The following GALNT7 variants were observed in gnomAD, a reference collection of about 807,000 sequenced individuals.
GALNT7 encodes the protein N-acetylgalactosaminyltransferase 7.
In GALNT7, 60 loss-of-function variants were observed where a neutral mutation model predicts 82.1. The observed-to-expected ratio is 0.73, with a 90% CI of 0.59 to 0.91. The LOEUF is 0.91. GALNT7 is among the 40% of genes least tolerant of loss of function. The probability of loss-of-function intolerance (pLI) is 0.00; values close to 1 mark genes in which losing one functional copy is unlikely to be tolerated. For missense variants in GALNT7, 660 were observed against 804.2 expected (o/e 0.82, Z 2.17); for synonymous variants, 243 against 275.1 (o/e 0.88, Z 1.15).
At chr4:173,171,478 C>T (rs775875406) in intron 1 of GALNT7, among the ~76,000 whole-genome samples, 1 of 152,224 alleles carries the variant, frequency 6.6e-6, no homozygotes, top group Non-Finnish European at 1.5e-5. Flanking sequence ...TCCATTCACC[C>T]TGTGCCACTT....
At chr4:173,212,556 G>T (rs1733314202) in intron 1 of GALNT7, among the ~76,000 whole-genome samples, 1 of 151,254 alleles carries the variant, frequency 6.6e-6, no homozygotes, top group African/African-American at 2.4e-5. Flanking sequence ...GAGATGAAGG[G>T]ATTAACTCCA....
intron 1 of GALNT7, among the ~76,000 whole-genome samples, chr4:173,212,488 GT>G (rs1353101523): frequency 6.6e-6 from 1 of 152,142 alleles, no homozygotes; most frequent in Non-Finnish European, 1.5e-5. Flanking sequence ...AGAGGCTTCA[GT>G]TTAGATTATC....
At position 173,194,308 on chromosome 4, in the gene GALNT7, G is replaced by T. The variant is rs187815054; in HGVS notation, c.126+25347G>T. On this transcript the variant is annotated intron_variant, in intron 1 of 11. Coordinates refer to ENST00000265000, the MANE Select transcript of GALNT7 (RefSeq NM_017423.3). ...TACATGCCTTAGGTTGTTTAAAAGG[G>T]CAATTTAAATTTAAAGAAGGCAATT... Among the ~76,000 whole-genome samples, 636 of 152,254 alleles carry T rather than the reference G, an allele frequency of 4.2e-3. 14 individuals carry two copies. Among genetic ancestry groups the T allele is most frequent in the Admixed American group, 0.039 (595 of 15,298 alleles).
intron 1 of GALNT7, among the ~76,000 whole-genome samples, chr4:173,207,242 T>G (rs1250062177): frequency 1.3e-5 from 2 of 152,208 alleles, no homozygotes; most frequent in Non-Finnish European, 2.9e-5. Flanking sequence ...TTCTAGTGTG[T>G]GCTACCCAAG....
At chr4:173,178,318 C>G (rs1298636051) in intron 1 of GALNT7, among the ~76,000 whole-genome samples, 36 of 152,002 alleles carry the variant, frequency 2.4e-4, no homozygotes, top group Admixed American at 2.4e-3. Flanking sequence ...CAAAACTATG[C>G]TATTCTCAGC....
chr4:173,237,312 T>C (rs1227627753), intron 1 of GALNT7, among the ~76,000 whole-genome samples: 1 of 152,206 alleles, frequency 6.6e-6, no homozygotes, highest in Non-Finnish European at 1.5e-5. Context: ...TAAGCCATGC[T>C]TCAGGGCAAA....
At chr4:173,183,541 T>C (rs1030233124) in intron 1 of GALNT7, among the ~76,000 whole-genome samples, 1 of 151,482 alleles carries the variant, frequency 6.6e-6, no homozygotes, top group African/African-American at 2.4e-5. Context: ...GAGTCTCCTA[T>C]GTCTACTTCT....
At chr4:173,251,524 ATCC>A (rs1290590877) in intron 2 of GALNT7, among the ~76,000 whole-genome samples, 1 of 152,156 alleles carries the variant, frequency 6.6e-6, no homozygotes, top group African/African-American at 2.4e-5. Context: ...CCTTGTCTAC[ATCC>A]TCTTGCTTCT....
At chr4:173,264,405 G>A (rs1420353324) in intron 2 of GALNT7, among the ~76,000 whole-genome samples, 3 of 152,110 alleles carry the variant, frequency 2.0e-5, no homozygotes, top group Admixed American at 1.3e-4. Flanking sequence ...ACACACTGTG[G>A]TGTTGATTCT....
intron 1 of GALNT7, among the ~76,000 whole-genome samples, chr4:173,180,570 C>G (rs1050032254): frequency 6.6e-6 from 1 of 152,236 alleles, no homozygotes; most frequent in Non-Finnish European, 1.5e-5. Context: ...TCAGGTGATC[C>G]GCCTGCCTTG....
chr4:173,173,624 G>C (rs1254150894), intron 1 of GALNT7, among the ~76,000 whole-genome samples: 1 of 152,116 alleles, frequency 6.6e-6, no homozygotes, highest in Non-Finnish European at 1.5e-5. Context: ...TGTGCAACCC[G>C]GATCCCTTGC....
At chr4:173,246,819 G>T (rs1023476097) in intron 1 of GALNT7, among the ~76,000 whole-genome samples, 10 of 152,104 alleles carry the variant, frequency 6.6e-5, no homozygotes, top group African/African-American at 2.2e-4. Context: ...TGGTCGGGTG[G>T]TGCTAATTCT....
chr4:173,269,722 C>CCCTCCT (rs1045462303), intron 2 of GALNT7, among the ~76,000 whole-genome samples: 22 of 151,904 alleles, frequency 1.4e-4, no homozygotes, highest in African/African-American at 5.1e-4. Flanking sequence ...ATTTAATCTT[C>CCCTCCT]CCTCCTCCTC....
intron 2 of GALNT7, among the ~76,000 whole-genome samples, chr4:173,284,424 T>C (rs1257928946): frequency 6.6e-6 from 1 of 152,220 alleles, no homozygotes; most frequent in African/African-American, 2.4e-5. Flanking sequence ...AGACATCCCA[T>C]ACAATTTTGG....
intron 2 of GALNT7, among the ~76,000 whole-genome samples, chr4:173,264,796 C>CT (rs1342986575): frequency 2.0e-5 from 3 of 152,200 alleles, no homozygotes; most frequent in African/African-American, 7.2e-5. Flanking sequence ...CAGCAAGCAG[C>CT]TGGTGTGCAG....
chr4:173,207,749 T>A (rs1401202638), intron 1 of GALNT7, among the ~76,000 whole-genome samples: 1 of 152,200 alleles, frequency 6.6e-6, no homozygotes, highest in African/African-American at 2.4e-5. Context: ...AGGGTACATT[T>A]CTAGTATTTT....
At chr4:173,265,662 A>G (rs1342503774) in intron 2 of GALNT7, among the ~76,000 whole-genome samples, 5 of 43,096 alleles carry the variant, frequency 1.2e-4, no homozygotes, top group Admixed American at 6.4e-4. Context: ...ATTCCCCCCA[A>G]TCTCCCTCCC....
At chr4:173,201,064 C>T (rs1732929874) in intron 1 of GALNT7, among the ~76,000 whole-genome samples, 1 of 152,088 alleles carries the variant, frequency 6.6e-6, no homozygotes, top group Admixed American at 6.5e-5. Context: ...AAGTATGTGG[C>T]CTAGCAATTT....
chr4:173,184,645 A>AG (rs1732411155), intron 1 of GALNT7, among the ~76,000 whole-genome samples: 1 of 76,016 alleles, frequency 1.3e-5, no homozygotes, highest in South Asian at 4.5e-4. Context: ...GGGGAGGGGG[A>AG]GGGGGAGAAG....
Sources: allele counts gnomAD v4.1 joint callset (sites outside exome capture counted in the v4.1 genomes callset), GRCh38; gene constraint gnomAD v4.1.1; transcripts MANE v1.5; gene names NCBI Gene and HGNC (gene_info 2026-07-23, HGNC 2026-07-21).